ARHGEF38: variants seen among roughly 807,000 people sequenced by gnomAD.
ARHGEF38 encodes the protein Rho guanine nucleotide exchange factor (GEF) 38.
Under a neutral mutation model 79.9 loss-of-function variants are expected in ARHGEF38, and 79 were observed. The ratio of observed to expected loss-of-function variants is 0.99; its 90% confidence interval spans 0.82 to 1.19. The LOEUF is 1.19. ARHGEF38 is among the 50% of genes most tolerant of loss of function. The pLI is 0.00. For synonymous variants in ARHGEF38, 366 were observed against 328.3 expected (o/e 1.11, Z -1.24); for missense variants, 962 against 907.2 (o/e 1.06, Z -0.78).
intron 1 of ARHGEF38, among the ~76,000 whole-genome samples, chr4:105,568,939 G>T (rs1434137621): frequency 6.6e-6 from 1 of 152,062 alleles, no homozygotes; most frequent in East Asian, 1.9e-4. Flanking sequence ...CCTTAAGCTT[G>T]GTATATGAAA....
At chr4:105,585,279 G>C (rs1038795736) in intron 1 of ARHGEF38, among the ~76,000 whole-genome samples, 2 of 152,128 alleles carry the variant, frequency 1.3e-5, no homozygotes, top group Non-Finnish European at 2.9e-5. Context: ...ACACTGTGAT[G>C]GTTTTCATGC....
intron 7 of ARHGEF38, among the ~76,000 whole-genome samples, chr4:105,652,809 G>T (rs1489426765): frequency 6.6e-6 from 1 of 152,196 alleles, no homozygotes; most frequent in Non-Finnish European, 1.5e-5. Context: ...GTTGGATTTT[G>T]TGGGGATTCC....
chr4:105,622,365 A>ATTTTAG (rs1436479157), intron 3 of ARHGEF38, among the ~76,000 whole-genome samples: 3 of 152,194 alleles, frequency 2.0e-5, no homozygotes, highest in African/African-American at 7.2e-5. Flanking sequence ...GTTCCTGAAC[A>ATTTTAG]CTTTCCCAGC....
chr4:105,594,805 T>A (rs1727506286), intron 2 of ARHGEF38, among the ~76,000 whole-genome samples: 1 of 152,198 alleles, frequency 6.6e-6, no homozygotes. Flanking sequence ...TACATCAAAC[T>A]CAGCAGTTAC....
chr4:105,565,462 G>A (rs1296046858), intron 1 of ARHGEF38, among the ~76,000 whole-genome samples: 1 of 152,118 alleles, frequency 6.6e-6, no homozygotes, highest in Non-Finnish European at 1.5e-5. Flanking sequence ...GGGTTTATTG[G>A]GGCAGATATG....
intron 1 of ARHGEF38, among the ~76,000 whole-genome samples, chr4:105,565,382 C>T (rs895889875): frequency 3.9e-5 from 6 of 152,106 alleles, no homozygotes; most frequent in Non-Finnish European, 7.3e-5. Context: ...TGATTTTAAA[C>T]GATAAAAGAT....
At chr4:105,666,701 G>A (rs946579607) in intron 11 of ARHGEF38, among the ~76,000 whole-genome samples, 2 of 152,150 alleles carry the variant, frequency 1.3e-5, no homozygotes, top group East Asian at 1.9e-4. Context: ...CTTAGGGCCC[G>A]AGCTGAGGGG....
intron 5 of ARHGEF38, among the ~76,000 whole-genome samples, chr4:105,643,872 CTTTTT>C (rs5860804): frequency 7.0e-4 from 69 of 98,084 alleles, no homozygotes; most frequent in African/African-American, 3.5e-3. Context: ...TGCCTTCCTA[CTTTTT>C]TTTTTTTTTT....
intron 13 of ARHGEF38, among the ~76,000 whole-genome samples, chr4:105,672,275 C>T (rs1730981407): frequency 6.6e-6 from 1 of 152,082 alleles, no homozygotes; most frequent in African/African-American, 2.4e-5. Flanking sequence ...AAAATTTTAT[C>T]TAAAATGTTA....
chr4:105,668,514 C>G (rs991850920), intron 13 of ARHGEF38, among the ~76,000 whole-genome samples: 1 of 152,074 alleles, frequency 6.6e-6, no homozygotes, highest in Non-Finnish European at 1.5e-5. Flanking sequence ...CTTGTTTTTG[C>G]TATATCAGAA....
intron 1 of ARHGEF38, among the ~76,000 whole-genome samples, chr4:105,588,832 AT>A (rs376001573): frequency 5.1e-4 from 78 of 152,368 alleles, no homozygotes; most frequent in African/African-American, 1.8e-3. Flanking sequence ...ATTGTTTTTA[AT>A]AGCAGTGACA....
At chr4:105,613,851 C>T (rs534187534) in intron 3 of ARHGEF38, among the ~76,000 whole-genome samples, 1 of 152,014 alleles carries the variant, frequency 6.6e-6, no homozygotes, top group Non-Finnish European at 1.5e-5. Flanking sequence ...AATAGCTTTA[C>T]TGATTTCTCA....
At chr4:105,670,181 T>C (rs908545194) in intron 13 of ARHGEF38, among the ~76,000 whole-genome samples, 9 of 152,204 alleles carry the variant, frequency 5.9e-5, no homozygotes, top group Non-Finnish European at 1.3e-4. Context: ...TATAAGTGTA[T>C]GTTTAAATTT....
intron 1 of ARHGEF38, among the ~76,000 whole-genome samples, chr4:105,556,067 G>A (rs1440691897): frequency 6.6e-6 from 1 of 152,046 alleles, no homozygotes; most frequent in Admixed American, 6.6e-5. Context: ...CCACCCTTAG[G>A]CTCCCTTACT....
At chr4:105,623,905 G>A (rs1728840747) in intron 3 of ARHGEF38, among the ~76,000 whole-genome samples, 1 of 152,088 alleles carries the variant, frequency 6.6e-6, no homozygotes, top group African/African-American at 2.4e-5. Context: ...ACCTCCCATG[G>A]CCAGATGTAC....
At chr4:105,581,415 A>G (rs922486412) in intron 1 of ARHGEF38, among the ~76,000 whole-genome samples, 2 of 152,150 alleles carry the variant, frequency 1.3e-5, no homozygotes, top group Non-Finnish European at 2.9e-5. Flanking sequence ...ACCTCCTAGT[A>G]AACATTAGTT....
Position 105,680,092 on chromosome 4 carries a change from A to G in ARHGEF38, c.*2155A>G. On this transcript the variant is annotated 3_prime_UTR_variant, in exon 14 of 14. Transcript: ENST00000420470. ...CAGATCCACTGTAGACTTGAAGGAC[A>G]TCTCATTTTCATCTGTGTTTTATAA... is the stretch of plus-strand genomic sequence containing the variant. The G allele has an allele frequency of 2.6e-6, 2 of 756,020 alleles. No homozygotes were observed. The highest frequency in any genetic ancestry group is 2.5e-6 in the Non-Finnish European group (1 of 406,964). 46.8% of individuals were successfully genotyped at this position (756,020 alleles called of 1,614,324 possible).
At chr4:105,638,819 G>GAT (rs922032476) in intron 5 of ARHGEF38, among the ~76,000 whole-genome samples, 1 of 151,990 alleles carries the variant, frequency 6.6e-6, no homozygotes. Flanking sequence ...TATTCTGTCT[G>GAT]ATATATATGC....
intron 2 of ARHGEF38, among the ~76,000 whole-genome samples, chr4:105,602,766 C>T (rs955889976): frequency 2.0e-5 from 3 of 152,160 alleles, no homozygotes; most frequent in African/African-American, 7.2e-5. Flanking sequence ...TCTTCTGGAA[C>T]TCAGGTGACC....
Sources: gnomAD v4.1 joint callset for allele counts (sites outside exome capture counted in the v4.1 genomes callset) on GRCh38, gnomAD v4.1.1 for gene constraint, MANE v1.5 for transcripts, NCBI Gene and HGNC (gene_info 2026-07-23, HGNC 2026-07-21) for gene names.